Variants in FAM53B observed in about 807,000 individuals in gnomAD.
The protein encoded by FAM53B is family with sequence similarity 53 member B, also known as protein FAM53B.
In FAM53B, 12 loss-of-function variants were observed where a neutral mutation model predicts 32.7. The observed-to-expected ratio is 0.37, with a 90% CI of 0.24 to 0.59. The LOEUF is 0.59. Among genes scored for constraint, FAM53B ranks in the 20% least tolerant of loss-of-function variants. FAM53B has a pLI of 0.72. For synonymous variants in FAM53B, 234 were observed against 228.7 expected, an observed-to-expected ratio of 1.02 and a Z score of -0.21; for missense variants, 477 against 577.7, an observed-to-expected ratio of 0.83 and a Z score of 1.79.
intron 4 of FAM53B, among the ~76,000 whole-genome samples, chr10:124,644,203 C>T (rs879607901): frequency 1.4e-4 from 21 of 152,188 alleles, no homozygotes; most frequent in Admixed American, 3.3e-4. Context: ...TTGGCCCCAC[C>T]GAGCCTGCCT....
intron 4 of FAM53B, among the ~76,000 whole-genome samples, chr10:124,658,339 T>C (rs1949609033): frequency 6.6e-6 from 1 of 151,812 alleles, no homozygotes; most frequent in African/African-American, 2.4e-5. Context: ...TCAGCAGGAG[T>C]CCCAGGCTAT....
At chr10:124,656,408 C>T (rs1176121058) in intron 4 of FAM53B, among the ~76,000 whole-genome samples, 3 of 152,234 alleles carry the variant, frequency 2.0e-5, no homozygotes, top group Admixed American at 6.5e-5. Flanking sequence ...GGTTTGGGTA[C>T]AATGCCACAG....
At chr10:124,628,248 G>A (rs116898575) in intron 4 of FAM53B, among the ~76,000 whole-genome samples, 2 of 152,180 alleles carry the variant, frequency 1.3e-5, no homozygotes, top group Non-Finnish European at 2.9e-5. Flanking sequence ...TCTAGGGACT[G>A]CTGTCCCTAG....
intron 4 of FAM53B, among the ~76,000 whole-genome samples, chr10:124,663,216 G>T (rs1949645637): frequency 6.6e-6 from 1 of 152,226 alleles, no homozygotes; most frequent in African/African-American, 2.4e-5. Context: ...GCAAGCCTGT[G>T]CATGACCAAA....
chr10:124,646,873 G>A (rs2134048061), intron 4 of FAM53B, among the ~76,000 whole-genome samples: 1 of 152,362 alleles, frequency 6.6e-6, no homozygotes. Flanking sequence ...CAAGCAAACA[G>A]GCAAATGTGG....
chr10:124,629,651 C>T (rs1949378460), intron 4 of FAM53B, among the ~76,000 whole-genome samples: 1 of 152,200 alleles, frequency 6.6e-6, no homozygotes, highest in Admixed American at 6.5e-5. Flanking sequence ...AAGAAAACAC[C>T]AGGCTATGAG....
chr10:124,625,113 G>A (rs1363806541), intron 4 of FAM53B, among the ~76,000 whole-genome samples: 2 of 152,234 alleles, frequency 1.3e-5, no homozygotes, highest in Non-Finnish European at 2.9e-5. Flanking sequence ...GTGTTTGTGT[G>A]TCTCTTTGAA....
intron 4 of FAM53B, among the ~76,000 whole-genome samples, chr10:124,673,535 G>T (rs1311339950): frequency 6.6e-6 from 1 of 152,194 alleles, no homozygotes; most frequent in African/African-American, 2.4e-5. Context: ...ATTGGCAGGC[G>T]GGGACACCAT....
intron 4 of FAM53B, among the ~76,000 whole-genome samples, chr10:124,646,150 T>A (rs1270234609): frequency 6.6e-6 from 1 of 152,126 alleles, no homozygotes; most frequent in Non-Finnish European, 1.5e-5. Flanking sequence ...AATGAGCATC[T>A]AGCGGATGGA....
At chr10:124,738,754 C>A (rs182457896) in intron 1 of FAM53B, among the ~76,000 whole-genome samples, 2 of 152,190 alleles carry the variant, frequency 1.3e-5, no homozygotes, top group African/African-American at 4.8e-5. Flanking sequence ...GGAGTGGCAA[C>A]CACCACATCA....
chr10:124,688,580 G>A (rs1949815848), intron 3 of FAM53B, among the ~76,000 whole-genome samples: 1 of 152,200 alleles, frequency 6.6e-6, no homozygotes, highest in South Asian at 2.1e-4. Context: ...GACTGAGCTT[G>A]CAGTTTCTGA....
chr10:124,623,730 T>C (rs1295717257), intron 4 of FAM53B, 126 bp from the exon 5 acceptor site: 2 of 1,136,258 alleles, frequency 1.8e-6, no homozygotes, highest in Non-Finnish European at 2.4e-6. Flanking sequence ...GGGTTCCTCC[T>C]ATCCAGGCAA....
intron 1 of FAM53B, among the ~76,000 whole-genome samples, chr10:124,739,049 AAAAAAAACAAAAAAC>A (rs1337236468): frequency 6.7e-6 from 1 of 150,010 alleles, no homozygotes; most frequent in Non-Finnish European, 1.5e-5. Context: ...AAAACAAAAA[AAAAAAAACAAAAAAC>A]AAAAAAACAC....
chr10:124,639,066 C>T (rs1176279503), intron 4 of FAM53B, among the ~76,000 whole-genome samples: 2 of 151,872 alleles, frequency 1.3e-5, no homozygotes, highest in African/African-American at 4.8e-5. Flanking sequence ...CCCAGACTTA[C>T]CCACCAGGGA....
chr10:124,739,201 G>A (rs1017794622), intron 1 of FAM53B, among the ~76,000 whole-genome samples: 26 of 152,360 alleles, frequency 1.7e-4, no homozygotes, highest in African/African-American at 6.3e-4. Context: ...TCTATCATAT[G>A]AACACACAGC....
chr10:124,688,769 A>C, intron 3 of FAM53B, among the ~76,000 whole-genome samples: 1 of 152,234 alleles, frequency 6.6e-6, no homozygotes, highest in East Asian at 1.9e-4. Context: ...ACTCAGAGGA[A>C]TACGAATGGC....
chr10:124,736,417 T>C (rs1196479364), intron 1 of FAM53B, among the ~76,000 whole-genome samples: 1 of 152,256 alleles, frequency 6.6e-6, no homozygotes, highest in Admixed American at 6.5e-5. Flanking sequence ...CAGACCTCTT[T>C]TCCCCCGGGC....
chr10:124,732,809 G>A (rs1187459496), intron 1 of FAM53B, among the ~76,000 whole-genome samples: 4 of 150,454 alleles, frequency 2.7e-5, no homozygotes, highest in Non-Finnish European at 5.9e-5. Context: ...CAGCCTGGGT[G>A]ACAGAGTGAG....
intron 4 of FAM53B, among the ~76,000 whole-genome samples, chr10:124,632,917 G>A (rs896644460): frequency 1.3e-5 from 2 of 152,214 alleles, no homozygotes; most frequent in African/African-American, 4.8e-5. Flanking sequence ...GCTCGGGTGT[G>A]CCCTGAGGGA....
Sources: gnomAD v4.1 joint callset for allele counts (sites outside exome capture counted in the v4.1 genomes callset) on GRCh38, gnomAD v4.1.1 for gene constraint, MANE v1.5 for transcripts, NCBI Gene and HGNC (gene_info 2026-07-23, HGNC 2026-07-21) for gene names.